Variants in STARD13 observed in about 807,000 individuals in gnomAD.
STARD13 encodes the protein stAR-related lipid transfer protein 13.
Under a neutral mutation model 106.4 loss-of-function variants are expected in STARD13, and 62 were observed. The ratio of observed to expected loss-of-function variants is 0.58; its 90% confidence interval spans 0.48 to 0.72. STARD13 has a LOEUF of 0.72. STARD13 is among the 30% of genes least tolerant of loss of function. The pLI, the probability that STARD13 is intolerant of heterozygous loss-of-function variation, is 0.00. For synonymous variants in STARD13, 565 were observed against 553.0 expected, an observed-to-expected ratio of 1.02 and a Z score of -0.31; for missense variants, 1,387 against 1,424.0, an observed-to-expected ratio of 0.97 and a Z score of 0.42.
chr13:33,473,756 G>T, the STARD13 span, among the ~76,000 whole-genome samples: 1 of 152,188 alleles, frequency 6.6e-6, no homozygotes, highest in Non-Finnish European at 1.5e-5. Context: ...GCCACTGCCA[G>T]CCCTAACCAT....
At chr13:33,516,307 C>A in the STARD13 span, among the ~76,000 whole-genome samples, 2 of 149,868 alleles carry the variant, frequency 1.3e-5, no homozygotes, top group Admixed American at 1.3e-4. Context: ...TGGAGTATTA[C>A]TGAAACCCAG....
the STARD13 span, among the ~76,000 whole-genome samples, chr13:33,405,513 G>A: frequency 0.01 from 1,548 of 152,342 alleles, 26 homozygotes; most frequent in African/African-American, 0.035. Context: ...TCTGAGAATC[G>A]TTGAAGTCTG....
the STARD13 span, among the ~76,000 whole-genome samples, chr13:33,612,257 G>A: frequency 1.6e-4 from 25 of 152,292 alleles, no homozygotes; most frequent in South Asian, 4.6e-3. Context: ...TAAAAATTAG[G>A]AAAGTCACCC....
At position 33,106,778 on chromosome 13, in the gene STARD13, G is replaced by A; in HGVS notation, c.3204C>T (p.His1068=). 6.2e-7 allele frequency: 1 copy of A among 1,613,454 alleles called. No homozygotes were observed. The highest frequency in any genetic ancestry group is 8.5e-7 in the Non-Finnish European group (1 of 1,179,572). The change falls in exon 13 of 14, where the codon CAC becomes CAT. Residue 1068 remains histidine (H), a synonymous_variant. Transcript: ENST00000336934. ...PCGSGKSRLT[H]ICRIDLKGHS... is the part of the protein sequence containing the mutation. ...CTTACTTCAGGTCTATCCTGCAGAT[G>A]TGAGTCAGTCTTGACTTGCCAGAGC...
the STARD13 span, among the ~76,000 whole-genome samples, chr13:33,443,858 C>T: frequency 7.2e-6 from 1 of 137,940 alleles, no homozygotes; most frequent in East Asian, 2.1e-4. Flanking sequence ...CACTGCACTC[C>T]AGCCTGGGCA....
chr13:33,619,336 C>G, the STARD13 span, among the ~76,000 whole-genome samples: 51 of 152,100 alleles, frequency 3.4e-4, no homozygotes, highest in Non-Finnish European at 2.2e-4. Context: ...TAGACTGGCT[C>G]TGTTCTCTAG....
At chr13:33,491,734 C>T in the STARD13 span, among the ~76,000 whole-genome samples, 1 of 152,124 alleles carries the variant, frequency 6.6e-6, no homozygotes, top group African/African-American at 2.4e-5. Context: ...TCCATTAAAC[C>T]TCACACAATG....
At chr13:33,600,655 G>T in the STARD13 span, among the ~76,000 whole-genome samples, 1 of 151,990 alleles carries the variant, frequency 6.6e-6, no homozygotes, top group East Asian at 1.9e-4. Flanking sequence ...GTAAAAAGTA[G>T]GGGAAAAATA....
the STARD13 span, among the ~76,000 whole-genome samples, chr13:33,446,814 G>C: frequency 6.6e-6 from 1 of 152,148 alleles, no homozygotes; most frequent in Non-Finnish European, 1.5e-5. Flanking sequence ...ATTTTAATAA[G>C]CATTCTTGAC....
chr13:33,417,334 A>G, the STARD13 span, among the ~76,000 whole-genome samples: 7 of 152,234 alleles, frequency 4.6e-5, no homozygotes, highest in Non-Finnish European at 8.8e-5. Context: ...AAAATGTTAA[A>G]CACAGAATTA....
At chr13:33,457,223 A>G in the STARD13 span, among the ~76,000 whole-genome samples, 1 of 152,242 alleles carries the variant, frequency 6.6e-6, no homozygotes, top group African/African-American at 2.4e-5. Flanking sequence ...CAATCAGAAC[A>G]CAAAGGTAAT....
At chr13:33,625,636 C>A in the STARD13 span, among the ~76,000 whole-genome samples, 2 of 152,048 alleles carry the variant, frequency 1.3e-5, no homozygotes, top group Non-Finnish European at 2.9e-5. Flanking sequence ...AGAAAATCGA[C>A]AATAATGTCT....
the STARD13 span, among the ~76,000 whole-genome samples, chr13:33,537,393 A>G: frequency 6.6e-6 from 1 of 152,256 alleles, no homozygotes; most frequent in African/African-American, 2.4e-5. Flanking sequence ...TAAAAACAAT[A>G]AAGAACCCAC....
the STARD13 span, among the ~76,000 whole-genome samples, chr13:33,590,856 TAAAC>T: frequency 6.6e-6 from 1 of 152,246 alleles, no homozygotes; most frequent in Admixed American, 6.5e-5. Context: ...AAAGTATAAT[TAAAC>T]AAAAAAATAA....
chr13:33,128,170 G>C (rs1877528558), intron 5 of STARD13, among the ~76,000 whole-genome samples: 1 of 150,810 alleles, frequency 6.6e-6, no homozygotes, highest in Admixed American at 6.6e-5. Context: ...TAAAGACAAA[G>C]AGAGAAAGAG....
At chr13:33,657,138 C>T in the STARD13 span, among the ~76,000 whole-genome samples, 1 of 152,076 alleles carries the variant, frequency 6.6e-6, no homozygotes, top group Non-Finnish European at 1.5e-5. Flanking sequence ...GGCGTGGTGG[C>T]GGGCGCCTAT....
At chr13:33,289,776 G>A (rs908954877), upstream of STARD13, among the ~76,000 whole-genome samples, 1 of 152,058 alleles carries the variant, frequency 6.6e-6, no homozygotes, top group African/African-American at 2.4e-5. Flanking sequence ...AGATCCCAGA[G>A]CCCTTAGTCA....
Position 33,316,117 on chromosome 13 carries a change from T to G in STARD13, c.124+34173A>C, listed in dbSNP as rs545748002. Among the ~76,000 whole-genome samples the G allele has an allele frequency of 2.0e-5, 3 of 152,308 alleles. No homozygotes were observed. In the East Asian group the frequency reaches 5.8e-4, roughly 29 times the overall value. On this transcript the variant is annotated intron_variant, in intron 1 of 5. Transcript: ENST00000567873. ...AGATTACATAAAGATCACATTTACT[T>G]TAGCATGGTTTATAAGGGTCTTCAG... is the stretch of plus-strand genomic sequence containing the variant.
At chr13:33,348,188 T>C (rs1012461910), downstream of STARD13, among the ~76,000 whole-genome samples, 9 of 152,198 alleles carry the variant, frequency 5.9e-5, no homozygotes, top group Admixed American at 2.0e-4. Flanking sequence ...TTTTCAAACC[T>C]CATACCGCTA....
Sources: allele counts gnomAD v4.1 joint callset (sites outside exome capture counted in the v4.1 genomes callset), GRCh38; gene constraint gnomAD v4.1.1; transcripts MANE v1.5; gene names NCBI Gene and HGNC (gene_info 2026-07-23, HGNC 2026-07-21).